Variants in NTM observed in about 807,000 individuals in gnomAD.
NTM encodes IgLON family member 2.
NTM carries 13 observed loss-of-function variants against 42.1 expected under a neutral mutation model. The observed-to-expected ratio is 0.31, with a 90% confidence interval of 0.20 to 0.49. The LOEUF is 0.49. Among genes scored for constraint, NTM ranks in the 20% least tolerant of loss-of-function variants. NTM has a pLI of 0.99. For missense variants in NTM, 373 were observed against 452.8 expected, an observed-to-expected ratio of 0.82 and a Z score of 1.60; for synonymous variants, 187 against 179.2, an observed-to-expected ratio of 1.04 and a Z score of -0.35.
intron 1 of NTM, among the ~76,000 whole-genome samples, chr11:131,884,383 T>A (rs2050033121): frequency 6.6e-6 from 1 of 151,766 alleles, no homozygotes; most frequent in Admixed American, 6.6e-5. Flanking sequence ...CACTCCAGCC[T>A]GAGCAACAAG....
At position 131,931,158 on chromosome 11, in the gene NTM, G is replaced by T. The variant is rs191742988; in HGVS notation, c.167+19510G>T. ...AGATAGGATTAGTGTCATAAAAATA[G>T]GTTCCTAGGCCAGGTGTGGTGGCTT... On this transcript the variant is annotated intron_variant, in intron 2 of 8. Coordinates refer to ENST00000683400, the MANE Select transcript of NTM (RefSeq NM_001352005.2). 1.4e-3 allele frequency among the ~76,000 whole-genome samples: 220 copies of T among 152,134 alleles called. 1 individual carries two copies. The highest frequency in any genetic ancestry group is 5.0e-3 in the African/African-American group (209 of 41,520).
At chr11:131,694,376 G>A (rs2075169821) in intron 1 of NTM, among the ~76,000 whole-genome samples, 2 of 152,184 alleles carry the variant, frequency 1.3e-5, no homozygotes, top group African/African-American at 2.4e-5. Flanking sequence ...CTGTCTTAGG[G>A]CTATGGTGAT....
At chr11:131,429,210 G>A (rs944863579) in intron 1 of NTM, among the ~76,000 whole-genome samples, 4 of 152,146 alleles carry the variant, frequency 2.6e-5, no homozygotes, top group South Asian at 4.1e-4. Context: ...GAAAATGAAC[G>A]TTGTGATTCC....
At chr11:132,070,913 G>A (rs555937434) in intron 2 of NTM, among the ~76,000 whole-genome samples, 22 of 141,496 alleles carry the variant, frequency 1.6e-4, no homozygotes, top group Non-Finnish European at 2.8e-4. Flanking sequence ...GACCGTCACA[G>A]GTTAGTTAAC....
intron 4 of NTM, among the ~76,000 whole-genome samples, chr11:132,249,083 C>T (rs555545253): frequency 6.6e-6 from 1 of 152,346 alleles, no homozygotes; most frequent in South Asian, 2.1e-4. Context: ...AGTTCCATGA[C>T]TGCACCTGTA....
intron 1 of NTM, among the ~76,000 whole-genome samples, chr11:131,768,074 A>G (rs555767785): frequency 4.6e-5 from 7 of 150,932 alleles, no homozygotes; most frequent in Non-Finnish European, 8.8e-5. Context: ...TTAGAGTTTC[A>G]GCCTTCTGAC....
intron 1 of NTM, among the ~76,000 whole-genome samples, chr11:131,781,466 A>T (rs2088114349): frequency 1.3e-5 from 2 of 152,184 alleles, no homozygotes; most frequent in African/African-American, 4.8e-5. Flanking sequence ...AAAAAAAAAG[A>T]ACATGATAAT....
chr11:131,514,754 A>G (rs550880953), intron 1 of NTM, among the ~76,000 whole-genome samples: 3 of 151,746 alleles, frequency 2.0e-5, no homozygotes, highest in Non-Finnish European at 4.4e-5. Context: ...ACGCCTGACT[A>G]AGTTTTGTAT....
At chr11:131,804,694 C>T (rs1050516309) in intron 1 of NTM, among the ~76,000 whole-genome samples, 9 of 152,132 alleles carry the variant, frequency 5.9e-5, no homozygotes, top group African/African-American at 1.4e-4. Context: ...ACCCCCAGGC[C>T]GCATACTATG....
chr11:132,125,310 G>A (rs1475460901), intron 2 of NTM, among the ~76,000 whole-genome samples: 1 of 150,712 alleles, frequency 6.6e-6, no homozygotes, highest in Non-Finnish European at 1.5e-5. Context: ...TGTGTGGTGT[G>A]GTATGTGGTA....
intron 1 of NTM, among the ~76,000 whole-genome samples, chr11:131,860,744 C>T (rs1258038969): frequency 6.6e-6 from 1 of 152,192 alleles, no homozygotes; most frequent in Non-Finnish European, 1.5e-5. Flanking sequence ...TACACTTTCA[C>T]CACCCCCTGA....
chr11:132,331,827 C>T lies in NTM; in HGVS notation c.967+1642C>T, dbSNP rs544762299. On this transcript the variant is annotated intron_variant, in intron 8 of 8. Transcript: ENST00000683400. ...AAGAATAAGAGTGATATGGGTGAGA[C>T]ATATTTCGGACGGAGGGGAGAGTGT... is the stretch of plus-strand genomic sequence containing the variant. Among the ~76,000 whole-genome samples the T allele has an allele frequency of 2.2e-4, 34 of 152,220 alleles. 1 individual carries two copies. The South Asian group carries it at 7.1e-3, about 32-fold the overall frequency.
intron 2 of NTM, among the ~76,000 whole-genome samples, chr11:131,935,823 A>G (rs2059151498): frequency 6.6e-6 from 1 of 152,246 alleles, no homozygotes; most frequent in Admixed American, 6.5e-5. Context: ...TCTCATGTAG[A>G]ACAAAGAACA....
intron 2 of NTM, among the ~76,000 whole-genome samples, chr11:131,994,663 A>C (rs1010518758): frequency 1.3e-5 from 2 of 152,092 alleles, no homozygotes; most frequent in Admixed American, 6.5e-5. Flanking sequence ...GTGGCTCTAC[A>C]CAGACACCTA....
At chr11:131,780,917 G>A (rs1013761670) in intron 1 of NTM, among the ~76,000 whole-genome samples, 7 of 152,132 alleles carry the variant, frequency 4.6e-5, no homozygotes. Flanking sequence ...CTTGTGAAAA[G>A]ATTTGCTGGA....
At chr11:131,737,173 A>C (rs2080575037) in intron 1 of NTM, among the ~76,000 whole-genome samples, 1 of 152,234 alleles carries the variant, frequency 6.6e-6, no homozygotes, top group African/African-American at 2.4e-5. Context: ...CCCACATAGA[A>C]GAGCTCATTT....
intron 2 of NTM, among the ~76,000 whole-genome samples, chr11:132,106,174 A>C (rs1160503441): frequency 6.6e-6 from 1 of 152,264 alleles, no homozygotes; most frequent in East Asian, 1.9e-4. Context: ...GAAAGCCTTC[A>C]GCTAACAATT....
chr11:131,662,848 G>A (rs1421511938), intron 1 of NTM, among the ~76,000 whole-genome samples: 1 of 152,124 alleles, frequency 6.6e-6, no homozygotes. Flanking sequence ...CCAGCTTATT[G>A]TGATGGATGA....
chr11:131,965,829 G>T (rs1210829137), intron 2 of NTM, among the ~76,000 whole-genome samples: 1 of 152,056 alleles, frequency 6.6e-6, no homozygotes, highest in African/African-American at 2.4e-5. Context: ...TTTCAAATCT[G>T]CCATGGCTAG....
Sources: gnomAD v4.1 joint callset for allele counts (sites outside exome capture counted in the v4.1 genomes callset) on GRCh38, gnomAD v4.1.1 for gene constraint, MANE v1.5 for transcripts, NCBI Gene and HGNC (gene_info 2026-07-23, HGNC 2026-07-21) for gene names.